GRM7: variants seen among roughly 807,000 people sequenced by gnomAD.
GRM7 encodes the protein metabotropic glutamate receptor 7.
Under a neutral mutation model 84.5 loss-of-function variants are expected in GRM7, and 35 were observed. The ratio of observed to expected loss-of-function variants is 0.41; its 90% CI spans 0.32 to 0.55. The LOEUF (loss-of-function observed/expected upper bound fraction) is 0.55, where lower values mean the gene tolerates loss of function less well. Among genes scored for constraint, GRM7 ranks in the 20% least tolerant of loss-of-function variants. The probability of loss-of-function intolerance (pLI) is 0.19; values close to 1 mark genes in which losing one functional copy is unlikely to be tolerated. For synonymous variants in GRM7, 487 were observed against 455.1 expected (o/e 1.07, Z -0.89); for missense variants, 1,003 against 1,194.6 (o/e 0.84, Z 2.36).
chr3:7,197,964 T>G (rs1317354088), intron 2 of GRM7, among the ~76,000 whole-genome samples: 2 of 152,080 alleles, frequency 1.3e-5, no homozygotes, highest in Non-Finnish European at 2.9e-5. Flanking sequence ...AGTTGGGTAC[T>G]CTGGTGGGAG....
At chr3:7,217,517 CAAT>C (rs1696655200) in intron 2 of GRM7, among the ~76,000 whole-genome samples, 1 of 152,016 alleles carries the variant, frequency 6.6e-6, no homozygotes, top group Non-Finnish European at 1.5e-5. Flanking sequence ...GAATGCATTT[CAAT>C]AATAATTTTT....
chr3:7,060,707 TAAA>T (rs549476892), intron 1 of GRM7, among the ~76,000 whole-genome samples: 83 of 149,264 alleles, frequency 5.6e-4, no homozygotes, highest in African/African-American at 1.9e-3. Context: ...TGATGTCTAA[TAAA>T]AATAAATGCA....
At chr3:7,091,216 A>AC (rs1479913310) in intron 1 of GRM7, among the ~76,000 whole-genome samples, 1 of 151,760 alleles carries the variant, frequency 6.6e-6, no homozygotes, top group Non-Finnish European at 1.5e-5. Context: ...AGTACCAAAA[A>AC]AAAAAAAAGA....
Position 7,082,443 on chromosome 3 carries a change from A to G in GRM7, c.520-64009A>G, listed in dbSNP as rs1698305792. Among the ~76,000 whole-genome samples, 3 of 152,116 alleles carry G rather than the reference A, an allele frequency of 2.0e-5. No homozygotes were observed. In the South Asian group the frequency reaches 6.2e-4, roughly 31 times the overall value. ...TTACTTTCAAGACATTATCGCTGAC[A>G]ATGCACTTGTTACCCAAAAGCTCTC... On this transcript the variant is annotated intron_variant, in intron 1 of 9. Transcript: ENST00000357716.
At chr3:7,726,500 A>T (rs1702131627) in intron 9 of GRM7, among the ~76,000 whole-genome samples, 1 of 150,338 alleles carries the variant, frequency 6.7e-6, no homozygotes, top group African/African-American at 2.4e-5. Context: ...TTCTCCCTAC[A>T]TTTTATTTTG....
chr3:6,915,668 A>C (rs1696918110), intron 1 of GRM7, among the ~76,000 whole-genome samples: 1 of 152,208 alleles, frequency 6.6e-6, no homozygotes, highest in African/African-American at 2.4e-5. Context: ...TTCACTATTC[A>C]TCAAGGTGGT....
At position 7,661,443 on chromosome 3, in the gene GRM7, A is replaced by G. The variant is rs540889870; in HGVS notation, c.2452-18606A>G. Among the ~76,000 whole-genome samples the G allele has an allele frequency of 1.1e-4, 16 of 152,294 alleles. No individual in the cohort carries two copies. In the South Asian group the frequency reaches 2.5e-3, roughly 24 times the overall value. On this transcript the variant is annotated intron_variant, in intron 8 of 9. Coordinates refer to ENST00000357716, the MANE Select transcript of GRM7 (RefSeq NM_000844.4). ...AGGCTGAAGTTAAAAAAGATTGACCATATCAAATGTTAGAAGGGATTTGGA... is the reference window on the plus strand; with the variant it reads ...AGGCTGAAGTTAAAAAAGATTGACCGTATCAAATGTTAGAAGGGATTTGGA...
chr3:7,600,026 A>G (rs879533246), intron 8 of GRM7, among the ~76,000 whole-genome samples: 20 of 152,254 alleles, frequency 1.3e-4, no homozygotes, highest in African/African-American at 4.1e-4. Context: ...GAGAGACTGA[A>G]GTTTTTACTG....
At chr3:7,320,774 T>C (rs1700750315) in intron 4 of GRM7, among the ~76,000 whole-genome samples, 1 of 151,684 alleles carries the variant, frequency 6.6e-6, no homozygotes, top group African/African-American at 2.4e-5. Context: ...CTGTTGCATA[T>C]AATAGTAGTT....
chr3:6,886,258 T>C (rs1303883136), intron 1 of GRM7, among the ~76,000 whole-genome samples: 1 of 152,082 alleles, frequency 6.6e-6, no homozygotes, highest in African/African-American at 2.4e-5. Flanking sequence ...TAGTCCCGCA[T>C]GTTGTCACCA....
At chr3:7,159,781 A>G (rs1185746155) in intron 2 of GRM7, among the ~76,000 whole-genome samples, 1 of 152,160 alleles carries the variant, frequency 6.6e-6, no homozygotes, top group African/African-American at 2.4e-5. Context: ...CTAGTCTGGT[A>G]CCTTTAAACC....
intron 1 of GRM7, among the ~76,000 whole-genome samples, chr3:6,882,803 T>A (rs1695560684): frequency 6.6e-6 from 1 of 152,228 alleles, no homozygotes; most frequent in Admixed American, 6.5e-5. Context: ...TCAGCAGCAT[T>A]TCATTATTTA....
intron 4 of GRM7, among the ~76,000 whole-genome samples, chr3:7,394,381 C>T (rs573334156): frequency 3.9e-5 from 6 of 152,272 alleles, no homozygotes; most frequent in African/African-American, 1.4e-4. Context: ...TGTTCTCGAT[C>T]TTTTGTGAGA....
At chr3:6,967,992 A>T (rs1693595526) in intron 1 of GRM7, among the ~76,000 whole-genome samples, 1 of 152,234 alleles carries the variant, frequency 6.6e-6, no homozygotes, top group Non-Finnish European at 1.5e-5. Context: ...TGTGTGAATT[A>T]GGGACATTGA....
intron 7 of GRM7, chr3:7,519,598 A>T (rs988161592): frequency 4.6e-5 from 7 of 152,198 alleles, no homozygotes; most frequent in Non-Finnish European, 7.3e-5. Flanking sequence ...GCAAAATTAG[A>T]GTCATTTTTG....
intron 5 of GRM7, among the ~76,000 whole-genome samples, chr3:7,446,407 T>A (rs1166391407): frequency 6.6e-6 from 1 of 152,136 alleles, no homozygotes; most frequent in Admixed American, 6.6e-5. Flanking sequence ...TTCTTTTGGT[T>A]TTCCTTTTGA....
intron 1 of GRM7, among the ~76,000 whole-genome samples, chr3:7,107,110 C>T (rs1399526924): frequency 1.3e-5 from 2 of 152,122 alleles, no homozygotes; most frequent in Middle Eastern, 3.4e-3. Flanking sequence ...AGGAAAGACT[C>T]AAAACATGTA....
At chr3:7,616,610 T>C (rs982908928) in intron 8 of GRM7, among the ~76,000 whole-genome samples, 1 of 152,088 alleles carries the variant, frequency 6.6e-6, no homozygotes, top group Non-Finnish European at 1.5e-5. Context: ...AGTTGTTTTC[T>C]GTATGTATGT....
chr3:7,706,229 T>C (rs1233810181), intron 9 of GRM7, among the ~76,000 whole-genome samples: 1 of 152,182 alleles, frequency 6.6e-6, no homozygotes, highest in African/African-American at 2.4e-5. Context: ...CTTGATTGTA[T>C]TTTTGATCAC....
Sources: allele counts gnomAD v4.1 joint callset (sites outside exome capture counted in the v4.1 genomes callset), GRCh38; gene constraint gnomAD v4.1.1; transcripts MANE v1.5; gene names NCBI Gene and HGNC (gene_info 2026-07-23, HGNC 2026-07-21).